ATOH8: variants seen among roughly 807,000 people sequenced by gnomAD.
The protein encoded by ATOH8 is transcription factor ATOH8.
Under a neutral mutation model 21.2 loss-of-function variants are expected in ATOH8, and 9 were observed. The observed-to-expected ratio is 0.42, with a 90% CI of 0.26 to 0.74. The LOEUF (loss-of-function observed/expected upper bound fraction) is 0.74. ATOH8 is among the 30% of genes least tolerant of loss of function. The pLI, the probability that ATOH8 is intolerant of heterozygous loss-of-function variation, is 0.24. For synonymous variants in ATOH8, 253 were observed against 224.0 expected (o/e 1.13, Z -1.16); for missense variants, 524 against 470.9 (o/e 1.11, Z -1.04).
intron 2 of ATOH8, among the ~76,000 whole-genome samples, chr2:85,765,928 A>G (rs964068575): frequency 1.1e-4 from 17 of 152,152 alleles, no homozygotes; most frequent in African/African-American, 3.9e-4. Context: ...GCCTGGTCCA[A>G]CCTTCCCATT....
intron 2 of ATOH8, chr2:85,774,105 T>C: frequency 1.0e-6 from 1 of 985,440 alleles, no homozygotes; most frequent in African/African-American, 1.7e-5. Flanking sequence ...GACGTAATAT[T>C]GTTTTGCAAA....
At chr2:85,761,172 G>A (rs1282192639) in intron 1 of ATOH8, among the ~76,000 whole-genome samples, 2 of 152,166 alleles carry the variant, frequency 1.3e-5, no homozygotes, top group African/African-American at 2.4e-5. Context: ...GGCTACCTCC[G>A]GTGTGGTGGT....
chr2:85,756,565 A>C (rs764233911), intron 1 of ATOH8, among the ~76,000 whole-genome samples: 6 of 152,184 alleles, frequency 3.9e-5, no homozygotes, highest in Non-Finnish European at 7.3e-5. Flanking sequence ...GTATGCTGAG[A>C]GAATACTCAT....
chr2:85,776,955 C>T (rs915626161), intron 2 of ATOH8, among the ~76,000 whole-genome samples: 6 of 152,144 alleles, frequency 3.9e-5, no homozygotes, highest in African/African-American at 1.4e-4. Flanking sequence ...ACACGAGTCC[C>T]TGCCACCACA....
chr2:85,767,923 C>T (rs1323938885), intron 2 of ATOH8, among the ~76,000 whole-genome samples: 3 of 152,158 alleles, frequency 2.0e-5, no homozygotes, highest in Non-Finnish European at 4.4e-5. Flanking sequence ...CCTGCTTTGC[C>T]CTCTCTGGGT....
At chr2:85,772,923 C>T (rs779053449) in intron 2 of ATOH8, 7 of 414,948 alleles carry the variant, frequency 1.7e-5, no homozygotes, top group South Asian at 1.2e-4. Context: ...CCTGACACTG[C>T]GGAACTTTTC....
intron 1 of ATOH8, among the ~76,000 whole-genome samples, chr2:85,756,779 C>G (rs1028980858): frequency 6.6e-6 from 1 of 152,086 alleles, no homozygotes; most frequent in Non-Finnish European, 1.5e-5. Flanking sequence ...TCTGGAATGC[C>G]CTCCTGGCCA....
At chr2:85,768,497 T>A (rs1680086211) in intron 2 of ATOH8, among the ~76,000 whole-genome samples, 1 of 152,192 alleles carries the variant, frequency 6.6e-6, no homozygotes, top group Non-Finnish European at 1.5e-5. Flanking sequence ...GCAGCTGTGA[T>A]GGCAGTGGTC....
chr2:85,790,369 G>A lies in ATOH8; in HGVS notation c.*3479G>A, dbSNP rs1418456334. 6.6e-6 allele frequency among the ~76,000 whole-genome samples: 1 copy of A among 152,224 alleles called. No individual in the cohort carries two copies. Among genetic ancestry groups the A allele is most frequent in the Non-Finnish European group, 1.5e-5 (1 of 68,038 alleles). ...TGCTCTCTGCAGAACAAAACCAGAA[G>A]GAATGGCTCTGGGAGTTGGAGATCT... On this transcript the variant is annotated 3_prime_UTR_variant, in exon 3 of 3. Coordinates refer to ENST00000306279, the MANE Select transcript of ATOH8 (RefSeq NM_032827.7).
At chr2:85,775,459 A>G (rs1006988442) in intron 2 of ATOH8, among the ~76,000 whole-genome samples, 14 of 152,200 alleles carry the variant, frequency 9.2e-5, no homozygotes, top group Admixed American at 7.2e-4. Context: ...CTGCAAGGAA[A>G]GCACTGTGTT....
At chr2:85,776,432 A>G (rs912979695) in intron 2 of ATOH8, among the ~76,000 whole-genome samples, 2 of 152,220 alleles carry the variant, frequency 1.3e-5, no homozygotes, top group Non-Finnish European at 2.9e-5. Flanking sequence ...CTGTGAAAGC[A>G]TTTTGTCAAC....
At chr2:85,777,590 G>A (rs1226386998) in intron 2 of ATOH8, among the ~76,000 whole-genome samples, 1 of 152,240 alleles carries the variant, frequency 6.6e-6, no homozygotes, top group East Asian at 1.9e-4. Context: ...AGTACATCCA[G>A]TAATGTCGGG....
At position 85,754,198 on chromosome 2, in the gene ATOH8, C is replaced by A; in HGVS notation, c.9C>A (p.His3Gln). The change falls in exon 1 of 3, where the codon CAC (histidine) becomes CAA (glutamine). Residue 3 changes from histidine (H) to glutamine (Q), a missense_variant. Coordinates refer to ENST00000306279, the MANE Select transcript of ATOH8 (RefSeq NM_032827.7). The stretch of plus-strand genomic sequence containing the variant: ...CGCGCGCCGCCCGCGCCATGAAGCA[C>A]ATCCCGGTCCTCGAGGACGGGCCGT... MKHIPVLEDGPWK... is the reference protein window; with the variant it reads MKQIPVLEDGPWK... 6.3e-7 allele frequency: 1 copy of A among 1,593,438 alleles called. No individual in the cohort carries two copies. The highest frequency in any genetic ancestry group is 8.5e-7 in the Non-Finnish European group (1 of 1,171,968).
At chr2:85,761,912 G>A (rs958514445) in intron 1 of ATOH8, among the ~76,000 whole-genome samples, 4 of 152,218 alleles carry the variant, frequency 2.6e-5, no homozygotes, top group African/African-American at 9.7e-5. Context: ...CCAGGGCTGG[G>A]AGTGGGAGAT....
At chr2:85,764,975 T>G (rs1437852043) in intron 2 of ATOH8, among the ~76,000 whole-genome samples, 1 of 152,154 alleles carries the variant, frequency 6.6e-6, no homozygotes, top group African/African-American at 2.4e-5. Flanking sequence ...GGGAACAGCT[T>G]GTACGAAGCC....
rs951576237 is a variant in ATOH8, at chr2:85,785,746, A to G, written c.961-1139A>G. Among the ~76,000 whole-genome samples the G allele has an allele frequency of 6.6e-6, 1 of 152,198 alleles. No homozygotes were observed. Among genetic ancestry groups the G allele is most frequent in the Admixed American group, 6.5e-5 (1 of 15,288 alleles). ...TCTCGGAGCCTGGGATTGCTCACTC[A>G]TGAGAGGGGGGAATGGGAATGCTCC... On this transcript the variant is annotated intron_variant, in intron 2 of 2. Transcript: ENST00000306279. This position sits in a 1 kb window ranked among gnomAD's most constrained non-coding sequence, Gnocchi z 4.1.
chr2:85,757,628 C>A (rs953999292), intron 1 of ATOH8, among the ~76,000 whole-genome samples: 1 of 152,156 alleles, frequency 6.6e-6, no homozygotes, highest in African/African-American at 2.4e-5. Context: ...TCCTCCCCTG[C>A]ATGCCTTCTG....
At chr2:85,786,409 C>T (rs929479825) in intron 2 of ATOH8, among the ~76,000 whole-genome samples, 6 of 152,220 alleles carry the variant, frequency 3.9e-5, no homozygotes, top group Non-Finnish European at 5.9e-5. Context: ...TTAGGTCACC[C>T]AGCTGGCAGG....
chr2:85,765,338 C>T (rs904757393), intron 2 of ATOH8, among the ~76,000 whole-genome samples: 2 of 152,238 alleles, frequency 1.3e-5, no homozygotes, highest in Admixed American at 6.5e-5. Context: ...CCGGGTTTCC[C>T]GGAGGTCCCC....
Sources: gnomAD v4.1 joint callset for allele counts (sites outside exome capture counted in the v4.1 genomes callset) on GRCh38, gnomAD v4.1.1 for gene constraint, Gnocchi (gnomAD v3.1) non-coding constraint, MANE v1.5 for transcripts, NCBI Gene and HGNC (gene_info 2026-07-23, HGNC 2026-07-21) for gene names.